Variants in SRBD1 observed in about 807,000 individuals in gnomAD.
SRBD1 encodes the protein S1 RNA-binding domain-containing protein 1.
A neutral mutation model predicts 115.3 loss-of-function variants in SRBD1; 88 were observed. That is an observed-to-expected ratio of 0.76 (90% CI 0.64 to 0.91). The LOEUF is 0.91. SRBD1 is among the 40% of genes least tolerant of loss of function. The pLI is 0.00. For missense variants in SRBD1, 1,385 were observed against 1,177.4 expected (o/e 1.18, Z -2.58); for synonymous variants, 509 against 407.7 (o/e 1.25, Z -2.99).
chr2:45,608,043 T>C (rs1484139812), intron 1 of SRBD1, among the ~76,000 whole-genome samples: 2 of 152,220 alleles, frequency 1.3e-5, no homozygotes, highest in South Asian at 2.1e-4. Flanking sequence ...ACAATATGCC[T>C]GAATTCAGAA....
intron 14 of SRBD1, among the ~76,000 whole-genome samples, chr2:45,532,070 A>G (rs574406722): frequency 2.6e-5 from 4 of 151,750 alleles, no homozygotes; most frequent in African/African-American, 9.7e-5. Context: ...ACACAAAAAC[A>G]ATCTTGGGAG....
chr2:45,539,984 G>C lies in SRBD1; in HGVS notation c.1874+6748C>G, dbSNP rs539529278. 3.9e-5 allele frequency among the ~76,000 whole-genome samples: 6 copies of C among 152,210 alleles called. No homozygotes were observed. The South Asian group carries it at 6.2e-4, about 16-fold the overall frequency. ...GCTTGAAAATATAGCCAGGAAAAAA[G>C]TGACAGAATCATCAAGCAGATTTGA... On this transcript the variant is annotated intron_variant, in intron 14 of 20. Transcript: ENST00000263736.
intron 16 of SRBD1, among the ~76,000 whole-genome samples, chr2:45,458,123 G>T (rs1406283781): frequency 6.6e-6 from 1 of 151,956 alleles, no homozygotes; most frequent in African/African-American, 2.4e-5. Context: ...AGGAGAACTT[G>T]TGATGTTACT....
intron 16 of SRBD1, among the ~76,000 whole-genome samples, chr2:45,450,353 T>C (rs966075640): frequency 2.6e-5 from 4 of 152,144 alleles, no homozygotes; most frequent in Non-Finnish European, 4.4e-5. Flanking sequence ...ATTGTAGGTA[T>C]AATTGAGTAA....
intron 14 of SRBD1, among the ~76,000 whole-genome samples, chr2:45,542,638 TTTC>T (rs1383704621): frequency 6.6e-6 from 1 of 152,178 alleles, no homozygotes; most frequent in African/African-American, 2.4e-5. Flanking sequence ...AGCTTGACAG[TTTC>T]TTAAGTTAAA....
At chr2:45,581,588 G>T in intron 6 of SRBD1, 105 bp downstream of exon 6, 2 of 738,700 alleles carry the variant, frequency 2.7e-6, no homozygotes, top group Non-Finnish European at 4.5e-6. Flanking sequence ...AAATAATGGT[G>T]GCTAATGACG....
rs1666929986 is a variant in SRBD1 at position 45,389,252 on chromosome 2, T to A, written c.*58A>T. The A allele has an allele frequency of 3.8e-6, 6 of 1,570,652 alleles. No individual in the cohort carries two copies. In the South Asian group the frequency reaches 7.1e-5, roughly 19 times the overall value. ...CTAGAGTTTACAAACAACTGACTTA[T>A]CCTTGTCAATCTGTGGAAATGAGAA... On this transcript the variant is annotated 3_prime_UTR_variant, in exon 21 of 21. Coordinates refer to ENST00000263736, the MANE Select transcript of SRBD1 (RefSeq NM_018079.5).
chr2:45,607,143 C>G (rs1674298158), intron 1 of SRBD1, among the ~76,000 whole-genome samples: 1 of 152,158 alleles, frequency 6.6e-6, no homozygotes, highest in African/African-American at 2.4e-5. Context: ...TTATAAAGAT[C>G]ATCCTTTCTC....
rs762015977 is a variant in SRBD1, at chr2:45,419,772, C to T, written c.2156+16G>A. The T allele has an allele frequency of 1.9e-6, 3 of 1,609,178 alleles. No individual in the cohort carries two copies. Among genetic ancestry groups the T allele is most frequent in the East Asian group, 4.5e-5 (2 of 44,832 alleles). On this transcript the variant is annotated intron_variant, in intron 17 of 20. Transcript: ENST00000263736. ...AACTCAAGATTCTGTGATCTTCAGCCACATATTTGTCTCACCTTAACAAAA... is the reference window on the plus strand; with the variant it reads ...AACTCAAGATTCTGTGATCTTCAGCTACATATTTGTCTCACCTTAACAAAA...
intron 14 of SRBD1, among the ~76,000 whole-genome samples, chr2:45,500,945 C>T (rs950106912): frequency 5.9e-5 from 9 of 152,140 alleles, no homozygotes; most frequent in African/African-American, 2.2e-4. Flanking sequence ...GGAAAGTAGG[C>T]ATACTTGTCT....
chr2:45,468,905 A>G (rs890845329), intron 16 of SRBD1, among the ~76,000 whole-genome samples: 1 of 152,186 alleles, frequency 6.6e-6, no homozygotes, highest in African/African-American at 2.4e-5. Flanking sequence ...GAATTATCAG[A>G]CTAATTTTTG....
At chr2:45,436,376 C>A (rs1558393226) in intron 16 of SRBD1, among the ~76,000 whole-genome samples, 2 of 152,152 alleles carry the variant, frequency 1.3e-5, no homozygotes. Flanking sequence ...CTTCTTACCA[C>A]CACTCAACAT....
At chr2:45,456,997 A>T (rs1254524223) in intron 16 of SRBD1, among the ~76,000 whole-genome samples, 1 of 151,958 alleles carries the variant, frequency 6.6e-6, no homozygotes, top group African/African-American at 2.4e-5. Context: ...CCGATCCAAA[A>T]ATAAAGGTCA....
At chr2:45,498,532 T>C in intron 14 of SRBD1, among the ~76,000 whole-genome samples, 1 of 152,204 alleles carries the variant, frequency 6.6e-6, no homozygotes, top group East Asian at 1.9e-4. Context: ...AAACATCTAT[T>C]TTTCTTCATG....
intron 4 of SRBD1, among the ~76,000 whole-genome samples, chr2:45,594,499 C>G (rs977396703): frequency 4.6e-5 from 7 of 152,158 alleles, no homozygotes; most frequent in Non-Finnish European, 1.0e-4. Flanking sequence ...CAAAACATAT[C>G]TGCAAAATAA....
chr2:45,578,365 A>C (rs1327674276), intron 7 of SRBD1, among the ~76,000 whole-genome samples: 1 of 152,202 alleles, frequency 6.6e-6, no homozygotes, highest in Non-Finnish European at 1.5e-5. Context: ...AATACACATT[A>C]AAAATTAAAC....
intron 20 of SRBD1, among the ~76,000 whole-genome samples, chr2:45,390,364 G>A (rs1273545790): frequency 1.3e-5 from 2 of 151,730 alleles, no homozygotes; most frequent in East Asian, 3.9e-4. Context: ...CTTTTTTCTT[G>A]CTCACCCCAG....
chr2:45,447,745 T>G (rs547656728), intron 16 of SRBD1: 1 of 152,282 alleles, frequency 6.6e-6, no homozygotes, highest in Non-Finnish European at 1.5e-5. Flanking sequence ...ACTTAGATAG[T>G]TATTGTAGGG....
chr2:45,566,474 G>C (rs1672834628), intron 9 of SRBD1, among the ~76,000 whole-genome samples: 1 of 152,208 alleles, frequency 6.6e-6, no homozygotes, highest in Non-Finnish European at 1.5e-5. Context: ...CATATTGTAT[G>C]ATTCCTTTAT....
Sources: gnomAD v4.1 joint callset for allele counts (sites outside exome capture counted in the v4.1 genomes callset) on GRCh38, gnomAD v4.1.1 for gene constraint, MANE v1.5 for transcripts, NCBI Gene and HGNC (gene_info 2026-07-23, HGNC 2026-07-21) for gene names.